The following USP25 variants were observed in gnomAD, a reference collection of about 807,000 sequenced individuals.
The protein encoded by USP25 is ubiquitin specific peptidase 25, also known as ubiquitin carboxyl-terminal hydrolase 25.
In USP25, 85 loss-of-function variants were observed where a neutral mutation model predicts 158.5. The ratio of observed to expected loss-of-function variants is 0.54; its 90% CI spans 0.45 to 0.64. The LOEUF is 0.64. USP25 is among the 30% of genes least tolerant of loss of function. The pLI, the probability that USP25 is intolerant of heterozygous loss-of-function variation, is 0.00. For synonymous variants in USP25, 464 were observed against 460.4 expected, an observed-to-expected ratio of 1.01 and a Z score of -0.10; for missense variants, 1,242 against 1,327.3, an observed-to-expected ratio of 0.94 and a Z score of 1.00.
At chr21:15,811,038 A>G (rs1016273440) in intron 8 of USP25, 99 bp from the exon 9 acceptor site, 1 of 1,008,024 alleles carries the variant, frequency 9.9e-7, no homozygotes, top group African/African-American at 1.6e-5. Context: ...ATAGCCACAT[A>G]AGTGTTTTTG....
rs1322386467 is a variant in USP25, at chr21:15,826,886, CA to C, written c.1467-89del. 2.3e-6 allele frequency: 3 copies of C among 1,292,638 alleles called. No homozygotes were observed. The highest frequency in any genetic ancestry group is 3.0e-5 in the African/African-American group (2 of 67,584). The allele number at this position is 1,292,638 out of a possible 1,614,324, so 80.1% of individuals were successfully genotyped here. A position where few individuals can be genotyped will look rare whatever the true frequency, so the allele number is the denominator to read the frequency against. ...CTTTAAGATTTTTTCTTTTGAATTA[CA>C]AGCCAATTTAATACTGTGGGTTTGG... On this transcript the variant is annotated intron_variant, in intron 13 of 25. Transcript: ENST00000400183. This position sits in a 1 kb window ranked among gnomAD's most constrained non-coding sequence, Gnocchi z 4.8.
chr21:15,732,550 T>C (rs1295525190), intron 1 of USP25, among the ~76,000 whole-genome samples: 4 of 152,170 alleles, frequency 2.6e-5, no homozygotes, highest in Admixed American at 6.5e-5. Context: ...AGACACTTTA[T>C]GGGTTATCTA....
chr21:15,846,143 TATATATA>T (rs1568882485), intron 18 of USP25, among the ~76,000 whole-genome samples: 27 of 62,896 alleles, frequency 4.3e-4, no homozygotes, highest in African/African-American at 2.2e-3. Context: ...TATATATATA[TATATATA>T]TATATATATT....
chr21:15,802,038 C>G (rs1340106239), intron 6 of USP25, among the ~76,000 whole-genome samples: 1 of 151,468 alleles, frequency 6.6e-6, no homozygotes, highest in Non-Finnish European at 1.5e-5. Context: ...CCCCTCTCCC[C>G]TCACACAGAT....
intron 20 of USP25, among the ~76,000 whole-genome samples, chr21:15,860,236 TC>T (rs1402613106): frequency 6.6e-6 from 1 of 152,042 alleles, no homozygotes; most frequent in African/African-American, 2.4e-5. Context: ...CACCACAACC[TC>T]TGCCTCCTGG....
chr21:15,803,930 C>T (rs905822892), intron 6 of USP25, among the ~76,000 whole-genome samples: 3 of 151,902 alleles, frequency 2.0e-5, no homozygotes, highest in African/African-American at 7.3e-5. Context: ...GATACACCCC[C>T]ATCCCAGACC....
Position 15,826,847 on chromosome 21 carries a change from C to A in USP25, c.1467-130C>A. Reference sequence around the variant, plus strand: ...TAAAAATCTCATTTGGATGTTAGATCAATCCACATATTTCTTTAAGATTTT... The same window carrying A: ...TAAAAATCTCATTTGGATGTTAGATAAATCCACATATTTCTTTAAGATTTT... On this transcript the variant is annotated intron_variant, in intron 13 of 25. Coordinates refer to ENST00000400183, the MANE Select transcript of USP25 (RefSeq NM_001283041.3). The surrounding 1 kb of genome is among the most constrained non-coding windows in gnomAD (Gnocchi z 4.8). 1.3e-6 allele frequency: 1 copy of A among 766,348 alleles called. No homozygotes were observed. Among genetic ancestry groups the A allele is most frequent in the Non-Finnish European group, 2.1e-6 (1 of 485,520 alleles). The allele number at this position is 766,348 out of a possible 1,614,324, so 47.5% of individuals were successfully genotyped here. A position where few individuals can be genotyped will look rare whatever the true frequency, so the allele number is the denominator to read the frequency against.
chr21:15,822,299 G>A (rs990443132), intron 10 of USP25, among the ~76,000 whole-genome samples: 3 of 151,970 alleles, frequency 2.0e-5, no homozygotes, highest in Admixed American at 2.0e-4. Context: ...TTTAGAATGA[G>A]AAAGTGAAAT....
At chr21:15,741,347 C>T (rs1158152769) in intron 1 of USP25, among the ~76,000 whole-genome samples, 1 of 149,948 alleles carries the variant, frequency 6.7e-6, no homozygotes, top group African/African-American at 2.5e-5. Flanking sequence ...CATTTGTAAG[C>T]AGGTCTTTGA....
chr21:15,854,659 T>C (rs1197878251), intron 20 of USP25, among the ~76,000 whole-genome samples: 5 of 152,242 alleles, frequency 3.3e-5, no homozygotes, highest in African/African-American at 1.2e-4. Context: ...GTGATGCCAC[T>C]GTCAGCCTTG....
At chr21:15,744,171 G>C (rs1271900810) in intron 1 of USP25, 1 of 152,662 alleles carries the variant, frequency 6.6e-6, no homozygotes. Flanking sequence ...CAGGCCTTTG[G>C]GGTTACAGAG....
Position 15,753,052 on chromosome 21 carries a change from G to A in USP25, c.46-9839G>A, listed in dbSNP as rs1201775741. 5.3e-5 allele frequency among the ~76,000 whole-genome samples: 8 copies of A among 152,296 alleles called. No individual in the cohort carries two copies. In the East Asian group the frequency reaches 1.5e-3, roughly 29 times the overall value. ...CTTGTCACAAATAAGGAGAATACTT[G>A]GAGTATTCTTTAGGGCATTGTTGCC... On this transcript the variant is annotated intron_variant, in intron 1 of 25. Transcript: ENST00000400183.
intron 5 of USP25, among the ~76,000 whole-genome samples, chr21:15,797,166 G>A (rs1022130875): frequency 6.6e-6 from 1 of 151,330 alleles, no homozygotes; most frequent in Admixed American, 6.6e-5. Flanking sequence ...AGTACTAACA[G>A]TGTATTTGTA....
At chr21:15,745,702 G>A (rs929912915) in intron 1 of USP25, among the ~76,000 whole-genome samples, 1 of 151,766 alleles carries the variant, frequency 6.6e-6, no homozygotes, top group Admixed American at 6.6e-5. Context: ...TCTCGAACTC[G>A]CGACCTCAGG....
rs1374487214 is a variant in USP25, at chr21:15,847,718, CGATCCCTCAT to C, written c.2395_2404del (p.Ile799Ter). 10 of 1,549,864 alleles carry C rather than the reference CGATCCCTCAT, an allele frequency of 6.5e-6. No individual in the cohort carries two copies. Among genetic ancestry groups the C allele is most frequent in the African/African-American group, 1.4e-5 (1 of 72,944 alleles). Reference sequence around the variant, plus strand: ...TCTAATCAGCGAGTTGTAGAGGTGGCGATCCCTCATGTAGGGAAATTTATGATTGAATCAA... The same window carrying C: ...TCTAATCAGCGAGTTGTAGAGGTGGCGTAGGGAAATTTATGATTGAATCAA... On this transcript the variant is annotated frameshift_variant, in exon 19 of 26. Coordinates refer to ENST00000400183, the MANE Select transcript of USP25 (RefSeq NM_001283041.3). LOFTEE classifies it high-confidence loss of function.
chr21:15,768,554 A>G (rs1051986328), intron 3 of USP25, among the ~76,000 whole-genome samples: 4 of 152,074 alleles, frequency 2.6e-5, no homozygotes, highest in Non-Finnish European at 5.9e-5. Flanking sequence ...TAATTCTTGG[A>G]AGATGTGGTA....
rs1304173548 is a variant in USP25 at position 15,875,383 on chromosome 21, T to C, written c.3009+857T>C. ...GCCACATTTGGTTATTTGTTTTACATAGGAATTGAAATGAAACCTCGTCAA... is the reference window on the plus strand; with the variant it reads ...GCCACATTTGGTTATTTGTTTTACACAGGAATTGAAATGAAACCTCGTCAA... On this transcript the variant is annotated intron_variant, in intron 24 of 25. Transcript: ENST00000400183. The surrounding 1 kb of genome is among the most constrained non-coding windows in gnomAD (Gnocchi z 4.7). 1.3e-5 allele frequency among the ~76,000 whole-genome samples: 2 copies of C among 152,176 alleles called. No homozygotes were observed. Among genetic ancestry groups the C allele is most frequent in the South Asian group, 2.1e-4 (1 of 4,836 alleles).
intron 10 of USP25, among the ~76,000 whole-genome samples, chr21:15,823,277 G>A (rs1014684591): frequency 2.6e-5 from 4 of 151,426 alleles, no homozygotes; most frequent in African/African-American, 7.3e-5. Context: ...ATTTGAGGTT[G>A]TATATGAAAA....
intron 1 of USP25, among the ~76,000 whole-genome samples, chr21:15,738,881 C>A (rs917145097): frequency 6.6e-6 from 1 of 152,140 alleles, no homozygotes. Context: ...GTGAAAATCC[C>A]GATACTGTTT....
Sources: allele counts gnomAD v4.1 joint callset (sites outside exome capture counted in the v4.1 genomes callset), GRCh38; gene constraint gnomAD v4.1.1; non-coding constraint Gnocchi (gnomAD v3.1); transcripts MANE v1.5; gene names NCBI Gene and HGNC (gene_info 2026-07-23, HGNC 2026-07-21).